TET3: variants seen among roughly 807,000 people sequenced by gnomAD.
TET3 encodes tet methylcytosine dioxygenase 3, also known as methylcytosine dioxygenase TET3.
In TET3, 19 loss-of-function variants were observed where a neutral mutation model predicts 141.4. The observed-to-expected ratio is 0.13, with a 90% CI of 0.09 to 0.20. TET3 has a LOEUF of 0.20. TET3 is among the 10% of genes least tolerant of loss of function. The pLI is 1.00. For synonymous variants in TET3, 1,043 were observed against 980.9 expected (o/e 1.06, Z -1.18); for missense variants, 1,874 against 2,356.9 (o/e 0.80, Z 4.24).
At chr2:74,041,441 G>C (rs1481837155) in intron 3 of TET3, among the ~76,000 whole-genome samples, 4 of 152,150 alleles carry the variant, frequency 2.6e-5, no homozygotes, top group African/African-American at 4.8e-5. Context: ...GGACTGTCTG[G>C]GTCACAAGCA....
intron 10 of TET3, among the ~76,000 whole-genome samples, chr2:74,096,132 A>G (rs1187509985): frequency 1.3e-5 from 2 of 152,202 alleles, no homozygotes; most frequent in African/African-American, 4.8e-5. Flanking sequence ...CTTGTAGGAA[A>G]TACAGCTTCT....
At chr2:73,985,339 G>A (rs1683957403) in intron 1 of TET3, among the ~76,000 whole-genome samples, 182 bp downstream of exon 1, 1 of 141,516 alleles carries the variant, frequency 7.1e-6, no homozygotes, top group African/African-American at 2.5e-5. Context: ...CGGGGGTGGC[G>A]GGGCGGGGGC....
rs140486237 is a variant in TET3 at position 74,101,027 on chromosome 2, C to T, written c.4239C>T (p.Asp1413=). The T allele has an allele frequency of 1.9e-5, 30 of 1,613,100 alleles. No homozygotes were observed. Among genetic ancestry groups the T allele is most frequent in the Admixed American group, 1.5e-4 (9 of 59,854 alleles). Residue 1413 remains aspartate (D), a synonymous_variant, in exon 12 of 12, where the codon GAC becomes GAT. Transcript: ENST00000409262. This position sits in a 1 kb window ranked among gnomAD's most constrained non-coding sequence, Gnocchi z 8.5. ...CCCAGGCTGAGCCTGTGCCCAGAGACGCTGGCAAGATGGGCAAGACACCTC... is the reference window on the plus strand; with the variant it reads ...CCCAGGCTGAGCCTGTGCCCAGAGATGCTGGCAAGATGGGCAAGACACCTC... ...PLTQAEPVPR[D]AGKMGKTPLS... is the part of the protein sequence containing the mutation.
the TET3 span, among the ~76,000 whole-genome samples, chr2:74,113,570 T>A: frequency 1.3e-5 from 2 of 151,940 alleles, no homozygotes; most frequent in African/African-American, 4.8e-5. Context: ...CAAAGAACTC[T>A]TAAAACTGAT....
chr2:74,051,561 G>A (rs1465454451), intron 4 of TET3, among the ~76,000 whole-genome samples: 2 of 152,202 alleles, frequency 1.3e-5, no homozygotes, highest in Non-Finnish European at 2.9e-5. Context: ...GCAGTAGCAT[G>A]GAAGGTGGAT....
In TET3 at chr2:74,046,210, A is replaced by G. The variant is rs1460570941; in HGVS notation, c.361-68A>G. 2 of 1,405,792 alleles carry G rather than the reference A, an allele frequency of 1.4e-6. No homozygotes were observed. Among genetic ancestry groups the G allele is most frequent in the African/African-American group, 2.9e-5 (2 of 69,716 alleles). 87.1% of individuals were successfully genotyped at this position (1,405,792 alleles called of 1,614,324 possible). ...TCAGATGTGCACCTGAGTGGTATGA[A>G]GCAGGGAAATGCTTTTCAAATAGTG... is the stretch of plus-strand genomic sequence containing the variant. On this transcript the variant is annotated intron_variant, in intron 3 of 11. Coordinates refer to ENST00000409262, the MANE Select transcript of TET3 (RefSeq NM_001287491.2). This position sits in a 1 kb window ranked among gnomAD's most constrained non-coding sequence, Gnocchi z 4.3.
In TET3 at chr2:74,100,531, C is replaced by T; in HGVS notation, c.3743C>T (p.Pro1248Leu). 1.2e-6 allele frequency: 2 copies of T among 1,611,090 alleles called. No individual in the cohort carries two copies. The highest frequency in any genetic ancestry group is 1.7e-6 in the Non-Finnish European group (2 of 1,178,686). ...ESYSVLGNCR[P>L]SDPYSMNSVY... is the part of the protein sequence containing the mutation. ...TACTCGGTGCTGGGCAACTGCCGGCCCTCCGACCCTTACAGCATGAACAGC... is the reference window on the plus strand; with the variant it reads ...TACTCGGTGCTGGGCAACTGCCGGCTCTCCGACCCTTACAGCATGAACAGC... Residue 1248 changes from proline to leucine, a missense_variant, in exon 12 of 12, where the codon CCC becomes CTC. This residue lies in a region of TET3 where 602 missense variants were observed against 590.2 expected (regional missense o/e 1.02). Transcript: ENST00000409262.
At chr2:74,075,671 T>C (rs1329684696) in intron 5 of TET3, among the ~76,000 whole-genome samples, 1 of 152,188 alleles carries the variant, frequency 6.6e-6, no homozygotes, top group Non-Finnish European at 1.5e-5. Context: ...AACATGATTT[T>C]GAGCTGAATG....
chr2:74,027,981 G>GT (rs1302053741), intron 3 of TET3, among the ~76,000 whole-genome samples: 3 of 151,624 alleles, frequency 2.0e-5, no homozygotes, highest in Non-Finnish European at 2.9e-5. Context: ...CATTGTGTGG[G>GT]TTTTTTTCAC....
intron 3 of TET3, among the ~76,000 whole-genome samples, chr2:74,027,435 G>A (rs1376530452): frequency 6.6e-6 from 1 of 151,324 alleles, no homozygotes; most frequent in African/African-American, 2.4e-5. Flanking sequence ...AGTGTAGTCA[G>A]GATTGTGCAA....
chr2:73,991,880 T>TTGG (rs1336987649), intron 2 of TET3, among the ~76,000 whole-genome samples: 1 of 150,102 alleles, frequency 6.7e-6, no homozygotes, highest in Non-Finnish European at 1.5e-5. Context: ...GAGAAAGGTG[T>TTGG]TGGTGGGACT....
intron 2 of TET3, among the ~76,000 whole-genome samples, chr2:74,000,652 T>G (rs1397662277): frequency 6.6e-6 from 1 of 152,136 alleles, no homozygotes; most frequent in Non-Finnish European, 1.5e-5. Context: ...GACCTCGGTC[T>G]TCTTTGTATC....
rs918004310 is a variant in TET3 at position 73,995,289 on chromosome 2, C to G, written c.304-7821C>G. Among the ~76,000 whole-genome samples the G allele has an allele frequency of 2.0e-5, 3 of 152,224 alleles. No individual in the cohort carries two copies. In the East Asian group the frequency reaches 5.8e-4, roughly 29 times the overall value. On this transcript the variant is annotated intron_variant, in intron 2 of 11. Coordinates refer to ENST00000409262, the MANE Select transcript of TET3 (RefSeq NM_001287491.2). ...TGCATGTTTTTTAGATGACTACATGCAAGAGAGGCATCTATCTTAGACTGC... is the reference window on the plus strand; with the variant it reads ...TGCATGTTTTTTAGATGACTACATGGAAGAGAGGCATCTATCTTAGACTGC...
At chr2:74,129,332 A>C in the TET3 span, among the ~76,000 whole-genome samples, 12 of 148,820 alleles carry the variant, frequency 8.1e-5, no homozygotes, top group Non-Finnish European at 1.5e-4. Context: ...AAAAAAAAAA[A>C]AAAAAAAAAA....
the TET3 span, chr2:74,123,208 A>C: frequency 6.6e-6 from 1 of 152,268 alleles, no homozygotes; most frequent in Non-Finnish European, 1.5e-5. Context: ...TTTGGACTAA[A>C]ATGCCAAAGG....
chr2:74,099,365 C>T lies in TET3; in HGVS notation c.3357C>T (p.Ala1119=), dbSNP rs745956502. 6.2e-7 allele frequency: 1 copy of T among 1,613,774 alleles called. No individual in the cohort carries two copies. Among genetic ancestry groups the T allele is most frequent in the East Asian group, 2.2e-5 (1 of 44,886 alleles). Residue 1119 remains alanine (A), a synonymous_variant, in exon 11 of 12, where the codon GCC becomes GCT. Coordinates refer to ENST00000409262, the MANE Select transcript of TET3 (RefSeq NM_001287491.2). The part of the protein sequence containing the change: ...QLHVLPLYKM[A]NTDEFGSEEN... ...ATGTTCTCCCCCTGTACAAGATGGC[C>T]AACACGGATGAGTTTGGTAGCGAGG... is the stretch of plus-strand genomic sequence containing the variant.
In TET3 at chr2:74,106,952, T is replaced by C. The variant is rs1429920505; in HGVS notation, c.*4776T>C. On this transcript the variant is annotated 3_prime_UTR_variant, in exon 12 of 12. Transcript: ENST00000409262. ...CTGTATTTCATGTTTAAGTTTTGCTTTTGAATAAAATGTGAATTTCCTATG... is the reference window on the plus strand; with the variant it reads ...CTGTATTTCATGTTTAAGTTTTGCTCTTGAATAAAATGTGAATTTCCTATG... 1 of 152,220 alleles carries C rather than the reference T, an allele frequency of 6.6e-6. No individual in the cohort carries two copies. The highest frequency in any genetic ancestry group is 2.4e-5 in the African/African-American group (1 of 41,458). 9.4% of individuals were successfully genotyped at this position (152,220 alleles called of 1,614,324 possible).
the TET3 span, among the ~76,000 whole-genome samples, chr2:74,117,550 TAAAA>T: frequency 1.3e-5 from 2 of 152,142 alleles, no homozygotes; most frequent in South Asian, 4.1e-4. Context: ...CTTTTGATCC[TAAAA>T]AATGTCAAAT....
upstream of TET3, among the ~76,000 whole-genome samples, chr2:73,983,650 CTTT>C (rs964272923): frequency 5.3e-5 from 8 of 152,186 alleles, no homozygotes; most frequent in Non-Finnish European, 1.2e-4. Context: ...AGATCAGTTA[CTTT>C]TTTTTCTTTC....
Sources: allele counts gnomAD v4.1 joint callset (sites outside exome capture counted in the v4.1 genomes callset), GRCh38; gene constraint gnomAD v4.1.1; regional missense constraint gnomAD v4.1.1; non-coding constraint Gnocchi (gnomAD v3.1); transcripts MANE v1.5; gene names NCBI Gene and HGNC (gene_info 2026-07-23, HGNC 2026-07-21).